The following TBC1D16 variants were observed in gnomAD, a reference collection of about 807,000 sequenced individuals.
TBC1D16 encodes the protein CTD-2529O21.1.
A neutral mutation model predicts 74.7 loss-of-function variants in TBC1D16; 58 were observed. The observed-to-expected ratio is 0.78, with a 90% CI of 0.63 to 0.97. The LOEUF is 0.97. Ranked by LOEUF, TBC1D16 falls within the 50% of genes least tolerant of loss-of-function variation. The probability of loss-of-function intolerance (pLI) is 0.00; values close to 1 mark genes in which losing one functional copy is unlikely to be tolerated. For missense variants in TBC1D16, 1,014 were observed against 1,079.5 expected, an observed-to-expected ratio of 0.94 and a Z score of 0.85; for synonymous variants, 493 against 474.7, an observed-to-expected ratio of 1.04 and a Z score of -0.50.
chr17:79,960,321 G>C (rs1427833135), intron 3 of TBC1D16, among the ~76,000 whole-genome samples: 3 of 152,106 alleles, frequency 2.0e-5, no homozygotes, highest in Non-Finnish European at 1.5e-5. Context: ...CACCAAAGAG[G>C]ATATTCAGAT....
chr17:79,990,753 C>G lies in TBC1D16; in HGVS notation c.779+19407G>C, dbSNP rs186162977. Among the ~76,000 whole-genome samples, 3 of 152,216 alleles carry G rather than the reference C, an allele frequency of 2.0e-5. No homozygotes were observed. Among genetic ancestry groups the G allele is most frequent in the African/African-American group, 7.2e-5 (3 of 41,456 alleles). On this transcript the variant is annotated intron_variant, in intron 3 of 11. Coordinates refer to ENST00000310924, the MANE Select transcript of TBC1D16 (RefSeq NM_019020.4). The surrounding 1 kb of genome is among the most constrained non-coding windows in gnomAD (Gnocchi z 4.8). ...TCTCCATGAAACACCAGCTCCCCAA[C>G]GTCCCCTCCCTCAGCCCCTGGCACC...
intron 2 of TBC1D16, among the ~76,000 whole-genome samples, chr17:80,012,120 C>T (rs888899762): frequency 2.0e-5 from 3 of 152,180 alleles, no homozygotes; most frequent in Non-Finnish European, 4.4e-5. Context: ...CAGGCCTCTA[C>T]AACTCAGACC....
At position 79,941,166 on chromosome 17, in the gene TBC1D16, C is replaced by T. The variant is rs1311323357; in HGVS notation, c.2056-59G>A. ...GGGGGACAGCCTGGCAGCCTAGGGTCCCCATGGGAGTGGCCAAAGACAGCA... is the reference window on the plus strand; with the variant it reads ...GGGGGACAGCCTGGCAGCCTAGGGTTCCCATGGGAGTGGCCAAAGACAGCA... On this transcript the variant is annotated intron_variant, in intron 11 of 11. Coordinates refer to ENST00000310924, the MANE Select transcript of TBC1D16 (RefSeq NM_019020.4). The surrounding 1 kb of genome is among the most constrained non-coding windows in gnomAD (Gnocchi z 4.3). The T allele has an allele frequency of 5.4e-6, 8 of 1,488,452 alleles. No individual in the cohort carries two copies. Among genetic ancestry groups the T allele is most frequent in the African/African-American group, 2.8e-5 (2 of 72,288 alleles). 92.2% of individuals were successfully genotyped at this position (1,488,452 alleles called of 1,614,324 possible). A position where few individuals can be genotyped will look rare whatever the true frequency, so the allele number is the denominator to read the frequency against.
Position 80,007,701 on chromosome 17 carries a change from G to C in TBC1D16, c.779+2459C>G, listed in dbSNP as rs1410841690. Reference sequence around the variant, plus strand: ...ATATAAGCTGGCCGGTTAGGAGAGAGGGGAAGGAGGAAGCCTAGGTAGAGG... The same window carrying C: ...ATATAAGCTGGCCGGTTAGGAGAGACGGGAAGGAGGAAGCCTAGGTAGAGG... On this transcript the variant is annotated intron_variant, in intron 3 of 11. Coordinates refer to ENST00000310924, the MANE Select transcript of TBC1D16 (RefSeq NM_019020.4). The surrounding 1 kb of genome is among the most constrained non-coding windows in gnomAD (Gnocchi z 4.5). Among the ~76,000 whole-genome samples the C allele has an allele frequency of 2.0e-5, 3 of 152,208 alleles. No homozygotes were observed. In the East Asian group the frequency reaches 5.8e-4, roughly 29 times the overall value.
intron 2 of TBC1D16, among the ~76,000 whole-genome samples, chr17:80,011,623 G>A (rs567023377): frequency 2.6e-5 from 4 of 152,220 alleles, no homozygotes; most frequent in African/African-American, 7.2e-5. Context: ...TCAGGAGATC[G>A]AGACCATCGT....
At position 79,987,611 on chromosome 17, in the gene TBC1D16, C is replaced by T. The variant is rs926044363; in HGVS notation, c.779+22549G>A. ...GGTGACCAGGAGTCATGACTCTTTC[C>T]GAATGAAGGTGGGGATGGGGGTAGG... On this transcript the variant is annotated intron_variant, in intron 3 of 11. Transcript: ENST00000310924. This position sits in a 1 kb window ranked among gnomAD's most constrained non-coding sequence, Gnocchi z 5.2. Among the ~76,000 whole-genome samples, 2 of 152,030 alleles carry T rather than the reference C, an allele frequency of 1.3e-5. No homozygotes were observed. Among genetic ancestry groups the T allele is most frequent in the South Asian group, 2.1e-4 (1 of 4,808 alleles).
rs1298822840 is a variant in TBC1D16 at position 80,001,050 on chromosome 17, G to A, written c.779+9110C>T. Among the ~76,000 whole-genome samples the A allele has an allele frequency of 2.0e-5, 3 of 152,216 alleles. No homozygotes were observed. Among genetic ancestry groups the A allele is most frequent in the Non-Finnish European group, 4.4e-5 (3 of 68,038 alleles). On this transcript the variant is annotated intron_variant, in intron 3 of 11. Coordinates refer to ENST00000310924, the MANE Select transcript of TBC1D16 (RefSeq NM_019020.4). This position sits in a 1 kb window ranked among gnomAD's most constrained non-coding sequence, Gnocchi z 5.8. ...GCAGCCAGGGAGGGGACCAGTGCTC[G>A]GCTGGGCGCCTGCTTGGCTTCTCCG...
At chr17:79,968,003 ATT>A (rs2033912811) in intron 3 of TBC1D16, among the ~76,000 whole-genome samples, 1 of 152,150 alleles carries the variant, frequency 6.6e-6, no homozygotes, top group Non-Finnish European at 1.5e-5. Context: ...TCTTTAAAAA[ATT>A]TTTTTGAGAC....
At position 79,990,790 on chromosome 17, in the gene TBC1D16, C is replaced by G. The variant is rs993699096; in HGVS notation, c.779+19370G>C. 7.9e-5 allele frequency among the ~76,000 whole-genome samples: 12 copies of G among 152,228 alleles called. No individual in the cohort carries two copies. The highest frequency in any genetic ancestry group is 2.9e-4 in the African/African-American group (12 of 41,462). ...CAGCCCCTGGCACCCCAATCTTTCC[C>G]TCTCTGAGCCTGACAACTCCAGGGG... On this transcript the variant is annotated intron_variant, in intron 3 of 11. Coordinates refer to ENST00000310924, the MANE Select transcript of TBC1D16 (RefSeq NM_019020.4). This position sits in a 1 kb window ranked among gnomAD's most constrained non-coding sequence, Gnocchi z 4.8.
At chr17:80,022,661 G>A (rs2036325786) in intron 1 of TBC1D16, among the ~76,000 whole-genome samples, 1 of 142,522 alleles carries the variant, frequency 7.0e-6, no homozygotes, top group Admixed American at 7.0e-5. Flanking sequence ...TTTTGAGGTG[G>A]AGTCTCACAC....
rs2034878790 is a variant in TBC1D16 at position 79,987,289 on chromosome 17, G to A, written c.779+22871C>T. Among the ~76,000 whole-genome samples the A allele has an allele frequency of 6.6e-6, 1 of 151,910 alleles. No individual in the cohort carries two copies. Among genetic ancestry groups the A allele is most frequent in the Non-Finnish European group, 1.5e-5 (1 of 67,964 alleles). Reference sequence around the variant, plus strand: ...TGGGTCTTGCTCTGTCACCCAGGCTGGAGTGCTGTGGTGACATCACAGCTC... The same window carrying A: ...TGGGTCTTGCTCTGTCACCCAGGCTAGAGTGCTGTGGTGACATCACAGCTC... On this transcript the variant is annotated intron_variant, in intron 3 of 11. Transcript: ENST00000310924. The surrounding 1 kb of genome is among the most constrained non-coding windows in gnomAD (Gnocchi z 5.2).
intron 3 of TBC1D16, among the ~76,000 whole-genome samples, chr17:79,969,669 C>T (rs73423941): frequency 0.16 from 23,852 of 151,900 alleles, 2,363 homozygotes; most frequent in East Asian, 0.38. Context: ...GGGCCGGGCA[C>T]GGTGGCTCAT....
intron 3 of TBC1D16, among the ~76,000 whole-genome samples, chr17:79,977,904 TC>T (rs2034400631): frequency 6.6e-6 from 1 of 152,184 alleles, no homozygotes; most frequent in African/African-American, 2.4e-5. Context: ...CAATAAAGCC[TC>T]GGCGACTGCG....
rs2034104705 is a variant in TBC1D16 at position 79,971,544 on chromosome 17, G to A, written c.780-18726C>T. 6.6e-6 allele frequency among the ~76,000 whole-genome samples: 1 copy of A among 152,166 alleles called. No homozygotes were observed. The highest frequency in any genetic ancestry group is 1.5e-5 in the Non-Finnish European group (1 of 68,036). On this transcript the variant is annotated intron_variant, in intron 3 of 11. Coordinates refer to ENST00000310924, the MANE Select transcript of TBC1D16 (RefSeq NM_019020.4). The surrounding 1 kb of genome is among the most constrained non-coding windows in gnomAD (Gnocchi z 4.6). Reference sequence around the variant, plus strand: ...TCTGCAGGTTTACACACACTTGAAGGTATCTTCCCATGTTGCTGGTAGACA... The same window carrying A: ...TCTGCAGGTTTACACACACTTGAAGATATCTTCCCATGTTGCTGGTAGACA...
At chr17:80,003,110 G>A (rs867308970) in intron 3 of TBC1D16, among the ~76,000 whole-genome samples, 5 of 152,346 alleles carry the variant, frequency 3.3e-5, no homozygotes, top group Middle Eastern at 3.4e-3. Flanking sequence ...GTGCAGGAAA[G>A]GGCAAGAGGA....
chr17:80,015,347 T>C (rs1306067532), intron 1 of TBC1D16, among the ~76,000 whole-genome samples: 2 of 152,024 alleles, frequency 1.3e-5, no homozygotes, highest in Non-Finnish European at 2.9e-5. Context: ...GGCAGGAGAA[T>C]TGCTTGAACC....
chr17:79,951,815 GCC>G (rs1320484857), intron 4 of TBC1D16, among the ~76,000 whole-genome samples: 1 of 152,156 alleles, frequency 6.6e-6, no homozygotes, highest in East Asian at 1.9e-4. Context: ...TTCCTGGGGG[GCC>G]CTGGAGCTCC....
rs1436170666 is a variant in TBC1D16 at position 79,990,571 on chromosome 17, TTCTC to T, written c.779+19585_779+19588del. ...TTAAAAGGTCTTAACTGATTTTTCC[TTCTC>T]TCTGTTTATTGTGGTAAAATGTCCA... is the stretch of plus-strand genomic sequence containing the variant. On this transcript the variant is annotated intron_variant, in intron 3 of 11. Coordinates refer to ENST00000310924, the MANE Select transcript of TBC1D16 (RefSeq NM_019020.4). The surrounding 1 kb of genome is among the most constrained non-coding windows in gnomAD (Gnocchi z 4.8). Among the ~76,000 whole-genome samples, 5 of 152,264 alleles carry T rather than the reference TTCTC, an allele frequency of 3.3e-5. No homozygotes were observed. The East Asian group carries it at 5.8e-4, about 18-fold the overall frequency.
Position 80,010,215 on chromosome 17 carries a change from T to C in TBC1D16, c.724A>G (p.Ile242Val), listed in dbSNP as rs1240660481. The change falls in exon 3 of 12, where the codon ATC (isoleucine) becomes GTC (valine). Residue 242 changes from isoleucine to valine, a missense_variant. Transcript: ENST00000310924. This position sits in a 1 kb window ranked among gnomAD's most constrained non-coding sequence, Gnocchi z 8.8. The stretch of plus-strand genomic sequence containing the variant: ...CGGCTCTCGGCCAGCGCCGCGCTGA[T>C]GGGCGAGAGGCAGAAGGGCGAGGAG... ...TFSSPFCLSP[I>V]SAALAESRGS... 4 of 1,613,186 alleles carry C rather than the reference T, an allele frequency of 2.5e-6. No homozygotes were observed. The Middle Eastern group carries it at 5.0e-4, about 200-fold the overall frequency.
Sources: gnomAD v4.1 joint callset for allele counts (sites outside exome capture counted in the v4.1 genomes callset) on GRCh38, gnomAD v4.1.1 for gene constraint, Gnocchi (gnomAD v3.1) non-coding constraint, MANE v1.5 for transcripts, NCBI Gene and HGNC (gene_info 2026-07-23, HGNC 2026-07-21) for gene names.